The following DOCK7 variants were observed in gnomAD, a reference collection of about 807,000 sequenced individuals.
The protein encoded by DOCK7 is dedicator of cytokinesis 7.
In DOCK7, 138 loss-of-function variants were observed where a neutral mutation model predicts 271.0. The ratio of observed to expected loss-of-function variants is 0.51; its 90% confidence interval spans 0.44 to 0.59. DOCK7 has a LOEUF of 0.59. Among genes scored for constraint, DOCK7 ranks in the 20% least tolerant of loss-of-function variants. The pLI, the probability that DOCK7 is intolerant of heterozygous loss-of-function variation, is 0.00. For missense variants in DOCK7, 2,066 were observed against 2,592.4 expected (o/e 0.80, Z 4.41); for synonymous variants, 823 against 876.1 (o/e 0.94, Z 1.07).
chr1:62,568,074 A>T (rs1646581593), intron 18 of DOCK7, among the ~76,000 whole-genome samples: 1 of 152,230 alleles, frequency 6.6e-6, no homozygotes, highest in African/African-American at 2.4e-5. Context: ...CCACAGAGAA[A>T]TTAAATTAGA....
In DOCK7 at chr1:62,583,225, T is replaced by G. The variant is rs751416721; in HGVS notation, c.1830A>C (p.Glu610Asp). The change falls in exon 16 of 50, where the codon GAA becomes GAC. Residue 610 changes from glutamate (E) to aspartate (D), a missense_variant. Glu to Asp is a conservative substitution (Grantham distance 45). Around this residue, in one of 2 missense-constraint regions of DOCK7, gnomAD observed 1,414 missense variants for 1,670.4 expected, o/e 0.85. Transcript: ENST00000635253. The part of the protein sequence containing the change: ...PVIFGKSSCS[E>D]FSKEAYTAVV... ...CGGCTGTATAGGCTTCCTTTGAAAA[T>G]TCTGAACAGCTAGATTTACCAAAGA... is the stretch of plus-strand genomic sequence containing the variant. 6.2e-7 allele frequency: 1 copy of G among 1,613,442 alleles called. No homozygotes were observed. Among genetic ancestry groups the G allele is most frequent in the South Asian group, 1.1e-5 (1 of 91,024 alleles).
At position 62,668,750 on chromosome 1, in the gene DOCK7, C is replaced by G. The variant is rs184767099; in HGVS notation, c.39-5620G>C. ...TCTACTAAAAATACAAAAAATTAGC[C>G]AGGAGTCAATAGTGTCTACCTGTAG... On this transcript the variant is annotated intron_variant, in intron 1 of 49. Transcript: ENST00000635253. Among the ~76,000 whole-genome samples the G allele has an allele frequency of 1.1e-4, 17 of 151,818 alleles. No individual in the cohort carries two copies. The East Asian group carries it at 3.1e-3, about 28-fold the overall frequency.
chr1:62,512,770 C>A (rs1236748573), intron 33 of DOCK7, among the ~76,000 whole-genome samples: 1 of 151,642 alleles, frequency 6.6e-6, no homozygotes, highest in Admixed American at 6.6e-5. Context: ...GTGGCACACA[C>A]CTGTAGTCCC....
chr1:62,568,305 A>AT lies in DOCK7; in HGVS notation c.2113-6603dup, dbSNP rs34058415. On this transcript the variant is annotated intron_variant, in intron 18 of 49. Coordinates refer to ENST00000635253, the MANE Select transcript of DOCK7 (RefSeq NM_001367561.1). Reference sequence around the variant, plus strand: ...ATGCCCACATTAAAAAGCTAGAAAGATTTTTTTTTTTTTTTGAGACAGAGT... The same window carrying AT: ...ATGCCCACATTAAAAAGCTAGAAAGATTTTTTTTTTTTTTTTGAGACAGAGT... Among the ~76,000 whole-genome samples the AT allele has an allele frequency of 5.4e-3, 777 of 144,100 alleles. 4 individuals are homozygous for AT. Among genetic ancestry groups the AT allele is most frequent in the African/African-American group, 7.6e-3 (301 of 39,552 alleles). The allele number at this position is 144,100 out of a possible 152,430, so 94.5% of individuals were successfully genotyped here.
intron 48 of DOCK7, 44 bp downstream of exon 48, chr1:62,473,938 G>C (rs767482690): frequency 1.1e-5 from 17 of 1,516,548 alleles, no homozygotes; most frequent in Non-Finnish European, 1.6e-5. Context: ...TGTGGTATTG[G>C]ACAGTCTCAA....
intron 17 of DOCK7, among the ~76,000 whole-genome samples, chr1:62,578,152 C>T (rs1014914725): frequency 6.6e-6 from 1 of 151,988 alleles, no homozygotes; most frequent in Non-Finnish European, 1.5e-5. Flanking sequence ...TTGAAAAATA[C>T]TCAAGGGTTT....
chr1:62,529,506 A>G (rs1204079548), intron 29 of DOCK7, 60 bp from the exon 30 acceptor site: 1 of 1,351,148 alleles, frequency 7.4e-7, no homozygotes, highest in African/African-American at 1.5e-5. Context: ...ATTAGCTAAC[A>G]TCTTTAAAAC....
intron 2 of DOCK7, among the ~76,000 whole-genome samples, chr1:62,656,825 C>T (rs571494037): frequency 2.0e-5 from 3 of 152,058 alleles, no homozygotes; most frequent in South Asian, 4.2e-4. Context: ...GCCTATTTTC[C>T]CCAGCCAAAA....
intron 18 of DOCK7, among the ~76,000 whole-genome samples, chr1:62,564,587 C>T (rs994692626): frequency 6.6e-6 from 1 of 151,952 alleles, no homozygotes; most frequent in Non-Finnish European, 1.5e-5. Context: ...TAAATGACCA[C>T]AAGAGAAAGC....
intron 21 of DOCK7, among the ~76,000 whole-genome samples, chr1:62,553,350 ATATATTTTT>A (rs1646011490): frequency 8.1e-4 from 12 of 14,872 alleles, no homozygotes; most frequent in African/African-American, 4.2e-3. Context: ...ATATATATAT[ATATATTTTT>A]TTTTTTTTTT....
At chr1:62,467,296 A>G (rs954001696) in intron 48 of DOCK7, among the ~76,000 whole-genome samples, 10 of 152,208 alleles carry the variant, frequency 6.6e-5, no homozygotes, top group African/African-American at 2.4e-4. Context: ...AAAGGTGGAG[A>G]GTGAAGGGTT....
chr1:62,457,441 G>T, intron 49 of DOCK7, 97 bp downstream of exon 49: 1 of 1,253,446 alleles, frequency 8.0e-7, no homozygotes, highest in Non-Finnish European at 1.1e-6. Context: ...TAAGCTTTTC[G>T]GATGACAGAT....
chr1:62,640,019 C>T (rs1217324252), intron 7 of DOCK7, among the ~76,000 whole-genome samples: 2 of 151,922 alleles, frequency 1.3e-5, no homozygotes, highest in Non-Finnish European at 2.9e-5. Flanking sequence ...AGAAATGCTA[C>T]TTGCTGAGCA....
intron 14 of DOCK7, among the ~76,000 whole-genome samples, chr1:62,595,041 A>G (rs938753446): frequency 1.3e-5 from 2 of 152,180 alleles, no homozygotes; most frequent in African/African-American, 4.8e-5. Context: ...TACATGAACC[A>G]GAGTAAAGGG....
At chr1:62,515,685 C>A (rs939077858) in intron 31 of DOCK7, among the ~76,000 whole-genome samples, 2 of 152,122 alleles carry the variant, frequency 1.3e-5, no homozygotes, top group Non-Finnish European at 2.9e-5. Flanking sequence ...CAATTCTAAT[C>A]AAAATCCCAG....
At chr1:62,603,979 G>T in intron 14 of DOCK7, 1 of 1,612,814 alleles carries the variant, frequency 6.2e-7, no homozygotes, top group Non-Finnish European at 8.5e-7. Flanking sequence ...GAGAATTTTG[G>T]TTGGGCCTAG....
chr1:62,597,246 T>C (rs1384007542), intron 14 of DOCK7, among the ~76,000 whole-genome samples: 3 of 152,246 alleles, frequency 2.0e-5, no homozygotes, highest in Non-Finnish European at 4.4e-5. Flanking sequence ...CTTAAAATCA[T>C]AAAAAAGTAA....
chr1:62,539,251 ATTACTACTGAC>A (rs1645448373), intron 27 of DOCK7, among the ~76,000 whole-genome samples: 2 of 152,194 alleles, frequency 1.3e-5, no homozygotes. Flanking sequence ...ACTGCTTTAC[ATTACTACTGAC>A]TTGATAGTAT....
chr1:62,551,101 A>G (rs919588773), intron 22 of DOCK7, among the ~76,000 whole-genome samples: 1 of 152,226 alleles, frequency 6.6e-6, no homozygotes, highest in Non-Finnish European at 1.5e-5. Context: ...GGTGAGACAC[A>G]GTAAAAAGGT....
Sources: gnomAD v4.1 joint callset for allele counts (sites outside exome capture counted in the v4.1 genomes callset) on GRCh38, gnomAD v4.1.1 for gene constraint, gnomAD v4.1.1 regional missense constraint, MANE v1.5 for transcripts, NCBI Gene and HGNC (gene_info 2026-07-23, HGNC 2026-07-21) for gene names.